The following YTHDC2 variants were observed in gnomAD, a reference collection of about 807,000 sequenced individuals.
YTHDC2 encodes the protein YTH N6-methyladenosine RNA binding protein C2.
YTHDC2 carries 45 observed loss-of-function variants against 174.9 expected under a neutral mutation model. The ratio of observed to expected loss-of-function variants is 0.26; its 90% CI spans 0.20 to 0.33. The LOEUF is 0.33. Among genes scored for constraint, YTHDC2 ranks in the 10% least tolerant of loss-of-function variants. The probability of loss-of-function intolerance (pLI) is 1.00; values close to 1 mark genes in which losing one functional copy is unlikely to be tolerated. For missense variants in YTHDC2, 1,650 were observed against 1,723.7 expected (o/e 0.96, Z 0.76); for synonymous variants, 657 against 574.5 (o/e 1.14, Z -2.05).
At chr5:113,574,861 C>A (rs1442811895) in intron 23 of YTHDC2, among the ~76,000 whole-genome samples, 1 of 152,214 alleles carries the variant, frequency 6.6e-6, no homozygotes, top group African/African-American at 2.4e-5. Context: ...CCACACAGAT[C>A]TGTGGCATGG....
Position 113,526,743 on chromosome 5 carries a change from A to G in YTHDC2, c.633A>G (p.Val211=). The change falls in exon 4 of 30, where the codon GTA becomes GTG. Residue 211 remains valine, a synonymous_variant. Transcript: ENST00000161863. ...EIVKIIKENK[V]VLIVGETGSG... ...TTAAAATAATTAAGGAAAATAAAGT[A>G]GTTTTGATTGTAGGAGAAACTGGGT... 6.4e-7 allele frequency: 1 copy of G among 1,554,922 alleles called. No individual in the cohort carries two copies. Among genetic ancestry groups the G allele is most frequent in the Non-Finnish European group, 8.7e-7 (1 of 1,148,830 alleles).
chr5:113,543,729 G>A (rs144299623), intron 10 of YTHDC2, among the ~76,000 whole-genome samples: 1,932 of 152,116 alleles, frequency 0.013, 20 homozygotes, highest in Middle Eastern at 0.065. Context: ...CTTATTTTTT[G>A]CCACTTGCCT....
rs1779114661 is a variant in YTHDC2, at chr5:113,593,519, ACCACT to A, written c.*46_*50del. 1.4e-6 allele frequency: 1 copy of A among 690,552 alleles called. No homozygotes were observed. Among genetic ancestry groups the A allele is most frequent in the African/African-American group, 1.8e-5 (1 of 55,406 alleles). The allele number at this position is 690,552 out of a possible 1,614,324, so 42.8% of individuals were successfully genotyped here. A position where few individuals can be genotyped will look rare whatever the true frequency, so the allele number is the denominator to read the frequency against. The stretch of plus-strand genomic sequence containing the variant: ...TGGAAGAACATCATGCCTATTTATA[ACCACT>A]GAATGCACTGACTTTCAAAAACTGA... On this transcript the variant is annotated 3_prime_UTR_variant, in exon 30 of 30. Transcript: ENST00000161863.
chr5:113,515,311 C>G lies in YTHDC2; in HGVS notation c.227C>G (p.Ala76Gly), dbSNP rs931049828. Residue 76 changes from alanine to glycine, a missense_variant, in exon 2 of 30, where the codon GCC becomes GGC. Coordinates refer to ENST00000161863, the MANE Select transcript of YTHDC2 (RefSeq NM_022828.5). ...FPSSLTSTERAFIHRLSQSLG... is the reference protein window; with the variant it reads ...FPSSLTSTERGFIHRLSQSLG... The stretch of plus-strand genomic sequence containing the variant: ...TCTTCTTTGACCAGTACTGAAAGAG[C>G]CTTTATTCATCGACTCAGTCAGTCT... 1 of 1,612,528 alleles carries G rather than the reference C, an allele frequency of 6.2e-7. No individual in the cohort carries two copies. The highest frequency in any genetic ancestry group is 1.3e-5 in the African/African-American group (1 of 74,808).
At chr5:113,515,470 T>A (rs997697827) in intron 2 of YTHDC2, 108 bp downstream of exon 2, 2 of 888,242 alleles carry the variant, frequency 2.3e-6, no homozygotes, top group Admixed American at 5.3e-5. Context: ...AACTTCACAT[T>A]CTTAATTGTA....
chr5:113,551,970 G>C (rs1335467588), intron 12 of YTHDC2, among the ~76,000 whole-genome samples: 9 of 151,974 alleles, frequency 5.9e-5, no homozygotes, highest in Non-Finnish European at 1.3e-4. Context: ...AATTTATGTT[G>C]ATTCTTGCTT....
chr5:113,571,380 C>G (rs930074767), intron 23 of YTHDC2, among the ~76,000 whole-genome samples: 2 of 152,106 alleles, frequency 1.3e-5, no homozygotes, highest in African/African-American at 4.8e-5. Flanking sequence ...TTTGGTTTGC[C>G]CATATTTTAT....
intron 26 of YTHDC2, among the ~76,000 whole-genome samples, chr5:113,586,588 C>A (rs1260528875): frequency 6.6e-6 from 1 of 151,544 alleles, no homozygotes; most frequent in Non-Finnish European, 1.5e-5. Flanking sequence ...GTGTACCAAA[C>A]CCAAGATCAT....
intron 5 of YTHDC2, 82 bp from the exon 6 acceptor site, chr5:113,534,223 G>A (rs1458737885): frequency 1.5e-5 from 15 of 1,011,264 alleles, no homozygotes; most frequent in Admixed American, 8.7e-5. Flanking sequence ...AAATGTGTAC[G>A]AGGCCAGCAT....
Position 113,565,878 on chromosome 5 carries a change from A to T in YTHDC2, c.2716-15A>T, listed in dbSNP as rs1777299267. 6.2e-7 allele frequency: 1 copy of T among 1,609,060 alleles called. No homozygotes were observed. Among genetic ancestry groups the T allele is most frequent in the Non-Finnish European group, 8.5e-7 (1 of 1,178,262 alleles). Reference sequence around the variant, plus strand: ...AGTAAATGTGTCTTGTTATGCAATTATTCTCTTTTTATAGGCCTGGCAAAA... The same window carrying T: ...AGTAAATGTGTCTTGTTATGCAATTTTTCTCTTTTTATAGGCCTGGCAAAA... On this transcript the variant is annotated splice_polypyrimidine_tract_variant and intron_variant, in intron 20 of 29. Transcript: ENST00000161863.
chr5:113,589,743 T>C (rs1325123765), intron 26 of YTHDC2, among the ~76,000 whole-genome samples: 1 of 151,852 alleles, frequency 6.6e-6, no homozygotes, highest in African/African-American at 2.4e-5. Flanking sequence ...CTAAAAAAAG[T>C]TAATAATATC....
At chr5:113,541,865 T>C (rs972375014) in intron 9 of YTHDC2, among the ~76,000 whole-genome samples, 2 of 152,108 alleles carry the variant, frequency 1.3e-5, no homozygotes, top group African/African-American at 4.8e-5. Context: ...ATAGACTTAT[T>C]TGGGTCATGG....
At chr5:113,516,406 C>G (rs1773428810) in intron 2 of YTHDC2, among the ~76,000 whole-genome samples, 1 of 152,068 alleles carries the variant, frequency 6.6e-6, no homozygotes, top group African/African-American at 2.4e-5. Context: ...TTTGAGCCAT[C>G]CAAATTGAAA....
chr5:113,593,338 G>A lies in YTHDC2; in HGVS notation c.4248G>A (p.Gln1416=). Reference sequence around the variant, plus strand: ...CTCTGGTTGGTGAACAGTTGCTCCAGTTATGGGAACGTCTTCCCTTGGGAG... The same window carrying A: ...CTCTGGTTGGTGAACAGTTGCTCCAATTATGGGAACGTCTTCCCTTGGGAG... ...LEPLVGEQLL[Q]LWERLPLGEK... The change falls in exon 29 of 30, where the codon CAG becomes CAA. Residue 1416 remains glutamine (Q), a synonymous_variant. Coordinates refer to ENST00000161863, the MANE Select transcript of YTHDC2 (RefSeq NM_022828.5). The A allele has an allele frequency of 1.2e-6, 2 of 1,612,834 alleles. No individual in the cohort carries two copies.
intron 6 of YTHDC2, among the ~76,000 whole-genome samples, chr5:113,535,398 G>C (rs1324971166): frequency 6.6e-6 from 1 of 151,964 alleles, no homozygotes; most frequent in Non-Finnish European, 1.5e-5. Flanking sequence ...TTTTGGCATG[G>C]GGGAAGGCCC....
intron 7 of YTHDC2, among the ~76,000 whole-genome samples, chr5:113,537,754 A>G (rs932163419): frequency 6.6e-6 from 1 of 151,938 alleles, no homozygotes; most frequent in Non-Finnish European, 1.5e-5. Flanking sequence ...TTGGATTTAG[A>G]TATTTCTAGT....
At chr5:113,539,285 T>C in intron 8 of YTHDC2, 104 bp downstream of exon 8, 1 of 471,988 alleles carries the variant, frequency 2.1e-6, no homozygotes, top group Non-Finnish European at 3.7e-6. Flanking sequence ...TGAAAGTGTT[T>C]TTCTCTTGTA....
Position 113,548,481 on chromosome 5 carries a change from A to T in YTHDC2, c.1496-60A>T, listed in dbSNP as rs986219086. ...TCTGCTATTTCAGATTTTTTAAAGAATGAAAATGGTTTGAAGTACTTTGGA... is the reference window on the plus strand; with the variant it reads ...TCTGCTATTTCAGATTTTTTAAAGATTGAAAATGGTTTGAAGTACTTTGGA... On this transcript the variant is annotated intron_variant, in intron 10 of 29. Coordinates refer to ENST00000161863, the MANE Select transcript of YTHDC2 (RefSeq NM_022828.5). The T allele has an allele frequency of 3.3e-6, 5 of 1,499,384 alleles. No individual in the cohort carries two copies. In the African/African-American group the frequency reaches 7.0e-5, roughly 21 times the overall value. The allele number at this position is 1,499,384 out of a possible 1,614,324, so 92.9% of individuals were successfully genotyped here. A position where few individuals can be genotyped will look rare whatever the true frequency, so the allele number is the denominator to read the frequency against.
At chr5:113,534,739 T>C (rs962739032) in intron 6 of YTHDC2, among the ~76,000 whole-genome samples, 8 of 152,120 alleles carry the variant, frequency 5.3e-5, no homozygotes, top group Non-Finnish European at 1.2e-4. Context: ...GGAGATTTCT[T>C]TTATCTCTAT....
Sources: gnomAD v4.1 joint callset for allele counts (sites outside exome capture counted in the v4.1 genomes callset) on GRCh38, gnomAD v4.1.1 for gene constraint, MANE v1.5 for transcripts, NCBI Gene and HGNC (gene_info 2026-07-23, HGNC 2026-07-21) for gene names.